The following RANBP9 variants were observed in gnomAD, a reference collection of about 807,000 sequenced individuals.
RANBP9 encodes RAN binding protein 9.
A neutral mutation model predicts 84.3 loss-of-function variants in RANBP9; 15 were observed. The ratio of observed to expected loss-of-function variants is 0.18; its 90% CI spans 0.12 to 0.27. The LOEUF (loss-of-function observed/expected upper bound fraction) is 0.27, where lower values mean the gene tolerates loss of function less well. RANBP9 is among the 10% of genes least tolerant of loss of function. The pLI, the probability that RANBP9 is intolerant of heterozygous loss-of-function variation, is 1.00. For synonymous variants in RANBP9, 392 were observed against 349.6 expected (o/e 1.12, Z -1.35); for missense variants, 809 against 912.8 (o/e 0.89, Z 1.46).
At chr6:13,706,984 C>G (rs954987758) in intron 1 of RANBP9, among the ~76,000 whole-genome samples, 2 of 140,048 alleles carry the variant, frequency 1.4e-5, no homozygotes, top group African/African-American at 5.4e-5. Flanking sequence ...CCAGCCTGGA[C>G]GATAGAGCAA....
chr6:13,674,596 T>G (rs1318674702), intron 2 of RANBP9, among the ~76,000 whole-genome samples: 1 of 152,186 alleles, frequency 6.6e-6, no homozygotes, highest in Non-Finnish European at 1.5e-5. Context: ...CCAGAAGGAA[T>G]GCTGAGGGCA....
At chr6:13,695,983 C>A (rs1241280350) in intron 2 of RANBP9, among the ~76,000 whole-genome samples, 1 of 152,096 alleles carries the variant, frequency 6.6e-6, no homozygotes, top group African/African-American at 2.4e-5. Flanking sequence ...CAACTAAAGA[C>A]CCTATGACTG....
At chr6:13,699,777 G>A (rs999055570) in intron 1 of RANBP9, among the ~76,000 whole-genome samples, 8 of 152,062 alleles carry the variant, frequency 5.3e-5, no homozygotes, top group East Asian at 1.9e-4. Context: ...CACAAGAATC[G>A]CTTGAACTTG....
intron 2 of RANBP9, among the ~76,000 whole-genome samples, chr6:13,680,455 T>A (rs891756307): frequency 6.6e-6 from 1 of 152,032 alleles, no homozygotes; most frequent in African/African-American, 2.4e-5. Flanking sequence ...TAAAAAAACA[T>A]GGCTGGGTAC....
At chr6:13,643,654 T>C (rs1462691194) in intron 6 of RANBP9, among the ~76,000 whole-genome samples, 1 of 152,062 alleles carries the variant, frequency 6.6e-6, no homozygotes, top group East Asian at 1.9e-4. Flanking sequence ...ATAAATGTTT[T>C]CTACTATCTT....
intron 5 of RANBP9, among the ~76,000 whole-genome samples, chr6:13,649,461 GAAAAAA>G (rs375894187): frequency 0.017 from 1,555 of 92,710 alleles, 29 homozygotes; most frequent in African/African-American, 0.057. Flanking sequence ...TGCCACAACA[GAAAAAA>G]AAAAAAAAAA....
intron 5 of RANBP9, among the ~76,000 whole-genome samples, chr6:13,646,752 GA>G (rs202060644): frequency 6.6e-6 from 1 of 150,470 alleles, no homozygotes; most frequent in East Asian, 1.9e-4. Context: ...TGACTCTCTA[GA>G]AAAAAAAATC....
intron 2 of RANBP9, among the ~76,000 whole-genome samples, chr6:13,675,872 T>A (rs1765875009): frequency 6.6e-6 from 1 of 151,940 alleles, no homozygotes. Flanking sequence ...GCCCACAAAT[T>A]TGATTATTTA....
At chr6:13,710,043 T>C (rs534253402) in intron 1 of RANBP9, among the ~76,000 whole-genome samples, 4 of 152,328 alleles carry the variant, frequency 2.6e-5, no homozygotes, top group Admixed American at 2.0e-4. Context: ...TAAATTGGGC[T>C]ACATTTCAAT....
intron 2 of RANBP9, among the ~76,000 whole-genome samples, chr6:13,670,500 A>G (rs1411287181): frequency 6.6e-6 from 1 of 152,106 alleles, no homozygotes; most frequent in East Asian, 1.9e-4. Context: ...AACACAAGAA[A>G]AAATAGACAA....
intron 1 of RANBP9, among the ~76,000 whole-genome samples, chr6:13,708,100 G>A (rs1271676284): frequency 6.6e-6 from 1 of 152,196 alleles, no homozygotes; most frequent in Non-Finnish European, 1.5e-5. Context: ...TCCAAAAGCA[G>A]TAATTTCAAT....
rs1475002421 is a variant in RANBP9, at chr6:13,641,309, T to TA, written c.1226-3dup. ...CTGCTAATACCAATTTCTGAATTCC[T>TA]ATTCAGTAAAAGAAAGCAAACGATT... On this transcript the variant is annotated splice_region_variant and splice_polypyrimidine_tract_variant and intron_variant, in intron 7 of 13. Transcript: ENST00000011619. 6.6e-5 allele frequency: 103 copies of TA among 1,566,488 alleles called. No individual in the cohort carries two copies. Among genetic ancestry groups the TA allele is most frequent in the Non-Finnish European group, 8.8e-5 (101 of 1,146,784 alleles).
intron 2 of RANBP9, among the ~76,000 whole-genome samples, chr6:13,664,429 A>G (rs576791378): frequency 6.6e-5 from 10 of 151,278 alleles, no homozygotes; most frequent in Non-Finnish European, 1.3e-4. Flanking sequence ...CACAGAGTCA[A>G]CACAATCCAA....
intron 12 of RANBP9, among the ~76,000 whole-genome samples, chr6:13,629,472 T>C (rs1764715283): frequency 6.6e-6 from 1 of 152,178 alleles, no homozygotes; most frequent in South Asian, 2.1e-4. Context: ...CAAAAAACAT[T>C]ACCTCAGTGG....
At chr6:13,647,525 A>C (rs1369040005) in intron 5 of RANBP9, among the ~76,000 whole-genome samples, 2 of 152,186 alleles carry the variant, frequency 1.3e-5, no homozygotes, top group Non-Finnish European at 2.9e-5. Context: ...AAAGCAAGGT[A>C]TAACATATTG....
rs775100976 is a variant in RANBP9, at chr6:13,650,355, G to GT, written c.927+2303dup. Among the ~76,000 whole-genome samples the GT allele has an allele frequency of 7.4e-4, 113 of 152,052 alleles. 2 individuals carry two copies. The highest frequency in any genetic ancestry group is 2.6e-3 in the African/African-American group (106 of 41,472). On this transcript the variant is annotated intron_variant, in intron 5 of 13. Transcript: ENST00000011619. ...ATTTTCTATTATAATTTTGATTTCT[G>GT]TTTTTTCCTAGCATTTTATTAAGGG...
chr6:13,631,010 C>T (rs994159532), intron 12 of RANBP9, among the ~76,000 whole-genome samples: 2 of 151,972 alleles, frequency 1.3e-5, no homozygotes, highest in East Asian at 3.9e-4. Context: ...GGGGTTTCAC[C>T]GTGTTAGCAG....
At chr6:13,662,335 A>C (rs1483852314) in intron 2 of RANBP9, among the ~76,000 whole-genome samples, 1 of 152,204 alleles carries the variant, frequency 6.6e-6, no homozygotes, top group Non-Finnish European at 1.5e-5. Flanking sequence ...ATTAGCAGAC[A>C]AAAAAATTTA....
At chr6:13,648,140 G>GATTTTTTTTTTTTTT (rs1491513627) in intron 5 of RANBP9, among the ~76,000 whole-genome samples, 1 of 122,868 alleles carries the variant, frequency 8.1e-6, no homozygotes. Flanking sequence ...TTATATGACT[G>GATTTTTTTTTTTTTT]GTTTTTTTTT....
Sources: gnomAD v4.1 joint callset for allele counts (sites outside exome capture counted in the v4.1 genomes callset) on GRCh38, gnomAD v4.1.1 for gene constraint, MANE v1.5 for transcripts, NCBI Gene and HGNC (gene_info 2026-07-23, HGNC 2026-07-21) for gene names.